The following SOBP variants were observed in gnomAD, a reference collection of about 807,000 sequenced individuals.
The protein encoded by SOBP is sine oculis binding protein homolog.
Under a neutral mutation model 53.6 loss-of-function variants are expected in SOBP, and 4 were observed. The observed-to-expected ratio is 0.07, with a 90% CI of 0.04 to 0.17. The LOEUF (loss-of-function observed/expected upper bound fraction) is 0.17. Ranked by LOEUF, SOBP falls within the 10% of genes least tolerant of loss-of-function variation. The pLI is 1.00. For missense variants in SOBP, 1,088 were observed against 1,204.7 expected (o/e 0.90, Z 1.43); for synonymous variants, 584 against 522.6 (o/e 1.12, Z -1.60).
At chr6:107,627,667 A>T (rs1423873147) in intron 5 of SOBP, among the ~76,000 whole-genome samples, 1 of 152,232 alleles carries the variant, frequency 6.6e-6, no homozygotes, top group African/African-American at 2.4e-5. Flanking sequence ...AAACCCAAAT[A>T]AAAAGAACTA....
chr6:107,577,210 C>T (rs931074362), intron 4 of SOBP, among the ~76,000 whole-genome samples: 1 of 152,260 alleles, frequency 6.6e-6, no homozygotes, highest in Non-Finnish European at 1.5e-5. Context: ...TGACATAGAT[C>T]AAGCTAACTC....
rs573594589 is a variant in SOBP at position 107,642,679 on chromosome 6, A to G, written c.*3+7210A>G. 5.3e-5 allele frequency among the ~76,000 whole-genome samples: 8 copies of G among 152,332 alleles called. No individual in the cohort carries two copies. In the South Asian group the frequency reaches 1.4e-3, roughly 28 times the overall value. ...CATTCCCATCCAGATATTTGGCTGC[A>G]CCAGCACTAGTTGTCTCATCATTTT... On this transcript the variant is annotated intron_variant, in intron 6 of 6. Transcript: ENST00000317357.
intron 4 of SOBP, among the ~76,000 whole-genome samples, chr6:107,577,306 G>A (rs1219253068): frequency 6.6e-6 from 1 of 152,224 alleles, no homozygotes; most frequent in East Asian, 1.9e-4. Context: ...CTACATTATT[G>A]TACTTCTGTC....
chr6:107,599,409 A>G (rs757033130), intron 5 of SOBP, among the ~76,000 whole-genome samples: 6 of 152,210 alleles, frequency 3.9e-5, no homozygotes, highest in East Asian at 1.9e-4. Flanking sequence ...AAAATGAACC[A>G]TCTTATGATA....
chr6:107,497,930 C>A (rs1782741176), intron 1 of SOBP, among the ~76,000 whole-genome samples: 1 of 152,158 alleles, frequency 6.6e-6, no homozygotes, highest in Non-Finnish European at 1.5e-5. Flanking sequence ...AGTCAAATTA[C>A]TTTTTCTAAC....
chr6:107,620,868 G>A lies in SOBP; in HGVS notation c.670-12646G>A, dbSNP rs371042006. On this transcript the variant is annotated intron_variant, in intron 5 of 6. Transcript: ENST00000317357. ...GTTATGCTCATTTCTCCTCTTACCC[G>A]GGAGCCAAGAGTCCAGTTGTATGAA... is the stretch of plus-strand genomic sequence containing the variant. Among the ~76,000 whole-genome samples, 5 of 152,112 alleles carry A rather than the reference G, an allele frequency of 3.3e-5. No individual in the cohort carries two copies. In the East Asian group the frequency reaches 7.7e-4, roughly 23 times the overall value.
intron 5 of SOBP, among the ~76,000 whole-genome samples, chr6:107,587,544 A>G (rs899207615): frequency 1.3e-5 from 2 of 152,170 alleles, no homozygotes; most frequent in Non-Finnish European, 2.9e-5. Flanking sequence ...ATTGTACACT[A>G]TTTTAGGAGA....
At chr6:107,509,261 G>A (rs985757643) in intron 3 of SOBP, among the ~76,000 whole-genome samples, 8 of 152,080 alleles carry the variant, frequency 5.3e-5, no homozygotes, top group Admixed American at 3.9e-4. Context: ...GGGCATGGTG[G>A]CACATGCCTG....
At chr6:107,550,624 A>G (rs1303548853) in intron 4 of SOBP, among the ~76,000 whole-genome samples, 3 of 152,194 alleles carry the variant, frequency 2.0e-5, no homozygotes, top group Non-Finnish European at 4.4e-5. Flanking sequence ...CGGGCACCAC[A>G]GGGTGACTTA....
intron 6 of SOBP, among the ~76,000 whole-genome samples, chr6:107,656,102 A>G (rs1159418971): frequency 1.3e-5 from 2 of 152,070 alleles, no homozygotes; most frequent in African/African-American, 2.4e-5. Context: ...CTCCATAGCA[A>G]CTTCCAGGCT....
chr6:107,533,220 C>T (rs76500632), intron 3 of SOBP, among the ~76,000 whole-genome samples: 2,299 of 107,984 alleles, frequency 0.021, 38 homozygotes, highest in East Asian at 0.061. Flanking sequence ...CCTTGTGGCT[C>T]TGCAGTCATG....
At position 107,506,527 on chromosome 6, in the gene SOBP, G is replaced by T. The variant is rs1782998325; in HGVS notation, c.421+100G>T. The T allele has an allele frequency of 2.3e-6, 3 of 1,310,764 alleles. No homozygotes were observed. In the East Asian group the frequency reaches 6.9e-5, roughly 30 times the overall value. The allele number at this position is 1,310,764 out of a possible 1,614,324, so 81.2% of individuals were successfully genotyped here. A position where few individuals can be genotyped will look rare whatever the true frequency, so the allele number is the denominator to read the frequency against. On this transcript the variant is annotated intron_variant, in intron 3 of 6. Transcript: ENST00000317357. ...AATGCTCAAGTTAACTTTGGTAGAG[G>T]CTGTTTTAGGGACCTTATAGGTAAG...
intron 6 of SOBP, among the ~76,000 whole-genome samples, chr6:107,654,936 G>C (rs1240686644): frequency 6.6e-6 from 1 of 151,126 alleles, no homozygotes; most frequent in Non-Finnish European, 1.5e-5. Context: ...CATGGAAGAG[G>C]AATCAAGGCT....
chr6:107,569,565 G>A (rs549973725), intron 4 of SOBP, among the ~76,000 whole-genome samples: 1 of 152,212 alleles, frequency 6.6e-6, no homozygotes, highest in Non-Finnish European at 1.5e-5. Flanking sequence ...TTTTTGGCTA[G>A]TGTTGCATCT....
At chr6:107,502,591 T>C (rs1344081724) in intron 1 of SOBP, among the ~76,000 whole-genome samples, 1 of 152,228 alleles carries the variant, frequency 6.6e-6, no homozygotes, top group Middle Eastern at 3.2e-3. Context: ...TATTGATTTA[T>C]AGTTCATAAA....
chr6:107,654,731 C>T (rs1771945939), intron 6 of SOBP, among the ~76,000 whole-genome samples: 1 of 152,070 alleles, frequency 6.6e-6, no homozygotes, highest in Admixed American at 6.5e-5. Flanking sequence ...AGAATCGAGG[C>T]TCTGGGGGAG....
At chr6:107,654,570 A>T (rs937607709) in intron 6 of SOBP, among the ~76,000 whole-genome samples, 9 of 152,222 alleles carry the variant, frequency 5.9e-5, no homozygotes, top group Non-Finnish European at 1.3e-4. Context: ...CAAGTTTATA[A>T]TTCTACATAT....
At chr6:107,492,750 CCACT>C (rs1259052582) in intron 1 of SOBP, among the ~76,000 whole-genome samples, 1 of 152,106 alleles carries the variant, frequency 6.6e-6, no homozygotes, top group Admixed American at 6.5e-5. Context: ...AAATCACCAC[CCACT>C]ATTTGAAGTT....
At chr6:107,583,303 G>A (rs1785461830) in intron 4 of SOBP, among the ~76,000 whole-genome samples, 1 of 152,092 alleles carries the variant, frequency 6.6e-6, no homozygotes, top group South Asian at 2.1e-4. Context: ...TAGGCTACTA[G>A]GGGAGACAAA....
Sources: gnomAD v4.1 joint callset for allele counts (sites outside exome capture counted in the v4.1 genomes callset) on GRCh38, gnomAD v4.1.1 for gene constraint, MANE v1.5 for transcripts, NCBI Gene and HGNC (gene_info 2026-07-23, HGNC 2026-07-21) for gene names.